SLC38A11: variants seen among roughly 807,000 people sequenced by gnomAD.
The protein encoded by SLC38A11 is solute carrier family 38 member 11.
SLC38A11 carries 51 observed loss-of-function variants against 49.4 expected under a neutral mutation model. That is an observed-to-expected ratio of 1.03 (90% CI 0.83 to 1.30). The LOEUF is 1.30. SLC38A11 is among the 50% of genes most tolerant of loss of function. SLC38A11 has a pLI of 0.00. For synonymous variants in SLC38A11, 203 were observed against 192.9 expected, an observed-to-expected ratio of 1.05 and a Z score of -0.43; for missense variants, 574 against 556.2, an observed-to-expected ratio of 1.03 and a Z score of -0.32.
intron 7 of SLC38A11, among the ~76,000 whole-genome samples, chr2:164,930,304 G>A (rs913287062): frequency 6.6e-6 from 1 of 152,034 alleles, no homozygotes; most frequent in East Asian, 1.9e-4. Context: ...ACGATTCACG[G>A]CTGAATTCCA....
intron 7 of SLC38A11, among the ~76,000 whole-genome samples, chr2:164,929,509 G>C (rs1410824732): frequency 1.3e-5 from 2 of 152,026 alleles, no homozygotes; most frequent in Non-Finnish European, 2.9e-5. Flanking sequence ...TCTTTCTATG[G>C]ACTTGAACTT....
chr2:164,919,717 A>C (rs1268528613), intron 7 of SLC38A11, among the ~76,000 whole-genome samples: 1 of 152,226 alleles, frequency 6.6e-6, no homozygotes, highest in Non-Finnish European at 1.5e-5. Context: ...AATACAATGT[A>C]AATTCTATAT....
At chr2:164,917,943 G>A (rs1242772888) in intron 7 of SLC38A11, among the ~76,000 whole-genome samples, 1 of 151,978 alleles carries the variant, frequency 6.6e-6, no homozygotes, top group African/African-American at 2.4e-5. Flanking sequence ...AAGATGGAAA[G>A]TGCCAAAAAA....
At chr2:164,954,002 A>G (rs944351982) in intron 2 of SLC38A11, among the ~76,000 whole-genome samples, 1 of 152,074 alleles carries the variant, frequency 6.6e-6, no homozygotes, top group Non-Finnish European at 1.5e-5. Flanking sequence ...TGAGCTATTT[A>G]TTTATTTTAA....
chr2:164,901,364 A>G (rs1280193982), intron 11 of SLC38A11, among the ~76,000 whole-genome samples: 2 of 152,142 alleles, frequency 1.3e-5, no homozygotes, highest in Non-Finnish European at 2.9e-5. Flanking sequence ...CATTTTAACA[A>G]TATTAATTCC....
At chr2:164,954,425 T>C (rs1688714641) in intron 2 of SLC38A11, among the ~76,000 whole-genome samples, 1 of 152,154 alleles carries the variant, frequency 6.6e-6, no homozygotes, top group African/African-American at 2.4e-5. Flanking sequence ...GTGGAAACAG[T>C]GTGAATTACA....
intron 7 of SLC38A11, among the ~76,000 whole-genome samples, chr2:164,924,557 C>A (rs541536103): frequency 9.5e-4 from 145 of 151,914 alleles, no homozygotes; most frequent in Non-Finnish European, 1.8e-3. Context: ...CCTGTACATC[C>A]TGTAAGAAAA....
intron 3 of SLC38A11, 59 bp downstream of exon 3, chr2:164,952,648 A>G (rs569920496): frequency 3.1e-5 from 29 of 940,528 alleles, no homozygotes; most frequent in African/African-American, 6.6e-5. Context: ...GTGTGTGTGT[A>G]TGTGTGTAGT....
At position 164,955,238 on chromosome 2, in the gene SLC38A11, G is replaced by A; in HGVS notation, c.10C>T (p.Gln4Ter). The part of the protein sequence containing the change: MGY[Q>*]RQEPVIPPQR... ...GGCGGGATGACAGGCTCCTGCCTCT[G>A]GTAGCCCATGGCTGAGCGGTGGTCC... The change falls in exon 1 of 12, where the codon CAG becomes TAG. Residue 4 changes from glutamine to a stop codon, truncating the protein, a stop_gained. Transcript: ENST00000685975. LOFTEE classifies it high-confidence loss of function. 6.4e-7 allele frequency: 1 copy of A among 1,550,546 alleles called. No individual in the cohort carries two copies. The highest frequency in any genetic ancestry group is 8.7e-7 in the Non-Finnish European group (1 of 1,146,962).
intron 7 of SLC38A11, among the ~76,000 whole-genome samples, chr2:164,929,709 C>A (rs1449460638): frequency 2.0e-5 from 3 of 152,132 alleles, no homozygotes; most frequent in Non-Finnish European, 4.4e-5. Context: ...GAAGTAAATT[C>A]TCTTTTGCTT....
At chr2:164,908,087 A>T (rs1316878318) in intron 11 of SLC38A11, 1 of 152,200 alleles carries the variant, frequency 6.6e-6, no homozygotes, top group Non-Finnish European at 1.5e-5. Flanking sequence ...TATAAAAGAA[A>T]GATCTGGAGA....
intron 6 of SLC38A11, among the ~76,000 whole-genome samples, chr2:164,939,079 G>A (rs1238960547): frequency 6.6e-6 from 1 of 152,036 alleles, no homozygotes; most frequent in East Asian, 1.9e-4. Context: ...AGACATTAAA[G>A]TTATTCATTG....
intron 3 of SLC38A11, among the ~76,000 whole-genome samples, chr2:164,948,483 A>G (rs1481759349): frequency 6.6e-6 from 1 of 152,172 alleles, no homozygotes; most frequent in Non-Finnish European, 1.5e-5. Context: ...AAGTAAATAG[A>G]TCTCTACAGA....
At chr2:164,910,561 T>C (rs1366999999) in intron 10 of SLC38A11, among the ~76,000 whole-genome samples, 1 of 152,124 alleles carries the variant, frequency 6.6e-6, no homozygotes, top group Admixed American at 6.6e-5. Flanking sequence ...GTAAAGGACA[T>C]ACACAGTGCT....
intron 2 of SLC38A11, 123 bp from the exon 3 acceptor site, chr2:164,952,904 G>A: frequency 1.4e-6 from 1 of 704,648 alleles, no homozygotes. Context: ...TGACGTATTT[G>A]TAAGTTGCAC....
chr2:164,938,180 C>T (rs1296629140), intron 6 of SLC38A11, among the ~76,000 whole-genome samples: 1 of 152,134 alleles, frequency 6.6e-6, no homozygotes, highest in Non-Finnish European at 1.5e-5. Flanking sequence ...ATGTGAGTCT[C>T]ATTAACCTTG....
chr2:164,942,443 A>AAC (rs1553503022), intron 5 of SLC38A11, among the ~76,000 whole-genome samples: 1 of 151,402 alleles, frequency 6.6e-6, no homozygotes, highest in African/African-American at 2.4e-5. Flanking sequence ...AAAAAAAAAA[A>AAC]AAAACAAAAA....
chr2:164,928,353 T>A (rs1391803214), intron 7 of SLC38A11, among the ~76,000 whole-genome samples: 1 of 152,218 alleles, frequency 6.6e-6, no homozygotes, highest in Non-Finnish European at 1.5e-5. Flanking sequence ...CTCAAGACAA[T>A]GTTTTATTGT....
Position 164,911,644 on chromosome 2 carries a change from T to A in SLC38A11, c.955A>T (p.Thr319Ser). 1 of 1,584,242 alleles carries A rather than the reference T, an allele frequency of 6.3e-7. No homozygotes were observed. Among genetic ancestry groups the A allele is most frequent in the Non-Finnish European group, 8.6e-7 (1 of 1,162,146 alleles). The change falls in exon 10 of 12, where the codon ACA (threonine) becomes TCA (serine). Residue 319 changes from threonine to serine, a missense_variant. Physicochemically the swap from Thr to Ser is moderately conservative, Grantham distance 58 (BLOSUM62 1). Coordinates refer to ENST00000685975, the MANE Select transcript of SLC38A11 (RefSeq NM_001351537.2). ...GAAGGAACCGCGCTTACCTCTCTTG[T>A]CACAAAGCATTCCATAGGGTATGTC... ...ILTYPMECFV[T>S]REVIANVFFG...
Sources: gnomAD v4.1 joint callset for allele counts (sites outside exome capture counted in the v4.1 genomes callset) on GRCh38, gnomAD v4.1.1 for gene constraint, MANE v1.5 for transcripts, NCBI Gene and HGNC (gene_info 2026-07-23, HGNC 2026-07-21) for gene names.